CNTNAP2: variants seen among roughly 807,000 people sequenced by gnomAD.
CNTNAP2 encodes the protein contactin associated protein 2.
CNTNAP2 carries 98 observed loss-of-function variants against 155.2 expected under a neutral mutation model. The observed-to-expected ratio is 0.63, with a 90% CI of 0.54 to 0.75. The LOEUF (loss-of-function observed/expected upper bound fraction) is 0.75. CNTNAP2 is among the 30% of genes least tolerant of loss of function. The pLI is 0.00. For missense variants in CNTNAP2, 1,727 were observed against 1,688.1 expected, an observed-to-expected ratio of 1.02 and a Z score of -0.40; for synonymous variants, 651 against 631.2, an observed-to-expected ratio of 1.03 and a Z score of -0.47.
chr7:147,964,406 A>G (rs1006371414), intron 14 of CNTNAP2, among the ~76,000 whole-genome samples: 4 of 152,208 alleles, frequency 2.6e-5, no homozygotes, highest in African/African-American at 9.6e-5. Context: ...AGGAAATAAA[A>G]TGACTCAATC....
intron 3 of CNTNAP2, among the ~76,000 whole-genome samples, chr7:146,971,210 A>T (rs1464475309): frequency 6.6e-6 from 1 of 151,582 alleles, no homozygotes; most frequent in Non-Finnish European, 1.5e-5. Context: ...AGTATAATTA[A>T]AAAAAAAGTT....
chr7:147,447,659 A>T (rs967176781), intron 10 of CNTNAP2, among the ~76,000 whole-genome samples: 2 of 152,148 alleles, frequency 1.3e-5, no homozygotes, highest in Admixed American at 1.3e-4. Flanking sequence ...ACCTCACGTG[A>T]TCTGCCTGCC....
intron 20 of CNTNAP2, among the ~76,000 whole-genome samples, chr7:148,232,883 C>A (rs1563004864): frequency 6.6e-6 from 1 of 152,198 alleles, no homozygotes. Context: ...CCCTGTGAAA[C>A]AGCACTGAGC....
rs1323109339 is a variant in CNTNAP2, at chr7:148,409,396, G to A, written c.3721G>A (p.Ala1241Thr). 2 of 1,600,070 alleles carry A rather than the reference G, an allele frequency of 1.2e-6. No homozygotes were observed. Among genetic ancestry groups the A allele is most frequent in the Non-Finnish European group, 1.7e-6 (2 of 1,173,592 alleles). The stretch of plus-strand genomic sequence containing the variant: ...GACTCTTTCTTTCTCTACAGCCAGT[G>A]CGGATTTTCCATATAATCCAGGACA... ...WHLDHLDSAS[A>T]DFPYNPGQGQ... Residue 1241 changes from alanine (A) to threonine (T), a missense_variant, in exon 23 of 24, where the codon GCG becomes ACG. By Grantham distance (58) the Ala-to-Thr change is moderately conservative. Transcript: ENST00000361727.
At chr7:147,934,953 T>C (rs1176270894) in intron 14 of CNTNAP2, among the ~76,000 whole-genome samples, 1 of 152,212 alleles carries the variant, frequency 6.6e-6, no homozygotes, top group Admixed American at 6.5e-5. Context: ...ACGTTTAAAT[T>C]TATAAGATGA....
intron 2 of CNTNAP2, among the ~76,000 whole-genome samples, chr7:146,814,557 T>C (rs1188073201): frequency 6.6e-6 from 1 of 152,198 alleles, no homozygotes; most frequent in East Asian, 1.9e-4. Flanking sequence ...CATATTAGTT[T>C]AGCATTTGGA....
intron 20 of CNTNAP2, chr7:148,263,322 G>A (rs1377078697): frequency 6.6e-6 from 1 of 152,078 alleles, no homozygotes; most frequent in Non-Finnish European, 1.5e-5. Context: ...ATGAGTTAAG[G>A]CTAGGAGTGT....
chr7:146,422,359 G>GTATATATATATATA (rs971506491), intron 1 of CNTNAP2, among the ~76,000 whole-genome samples: 3,093 of 148,056 alleles, frequency 0.021, 120 homozygotes, highest in African/African-American at 0.073. Flanking sequence ...GTATATATAT[G>GTATATATATATATA]TATATATATA....
intron 11 of CNTNAP2, among the ~76,000 whole-genome samples, chr7:147,519,927 T>G (rs1799203547): frequency 6.6e-6 from 1 of 152,194 alleles, no homozygotes; most frequent in Admixed American, 6.5e-5. Context: ...AAGCAGAAAT[T>G]AGAAAGCATT....
chr7:146,650,363 C>T (rs1799888035), intron 1 of CNTNAP2, among the ~76,000 whole-genome samples: 1 of 152,066 alleles, frequency 6.6e-6, no homozygotes, highest in South Asian at 2.1e-4. Flanking sequence ...ACTATACAGC[C>T]ATAAAAAATA....
intron 22 of CNTNAP2, among the ~76,000 whole-genome samples, chr7:148,385,661 C>T (rs1371386787): frequency 6.6e-6 from 1 of 150,404 alleles, no homozygotes; most frequent in Non-Finnish European, 1.5e-5. Context: ...TTGTTAAGAT[C>T]TGTGAGATAT....
At chr7:147,174,100 C>G (rs906903607) in intron 8 of CNTNAP2, among the ~76,000 whole-genome samples, 2 of 152,102 alleles carry the variant, frequency 1.3e-5, no homozygotes, top group Non-Finnish European at 2.9e-5. Flanking sequence ...AACCAGCAAA[C>G]CACAGTCCAT....
intron 13 of CNTNAP2, among the ~76,000 whole-genome samples, chr7:147,675,515 C>T (rs925068187): frequency 2.0e-5 from 3 of 152,060 alleles, no homozygotes; most frequent in Non-Finnish European, 4.4e-5. Flanking sequence ...AGGGCAGGTA[C>T]TCAGAAAGAA....
At chr7:147,626,116 T>C (rs10276658) in intron 12 of CNTNAP2, among the ~76,000 whole-genome samples, 30,378 of 151,922 alleles carry the variant, frequency 0.2, 3,229 homozygotes, top group Middle Eastern at 0.25. Flanking sequence ...AAGGAAACTC[T>C]GAACTGAAAT....
At chr7:146,129,948 A>G (rs922407118) in intron 1 of CNTNAP2, among the ~76,000 whole-genome samples, 1 of 152,226 alleles carries the variant, frequency 6.6e-6, no homozygotes, top group Middle Eastern at 3.2e-3. Context: ...CTAAAGAAAA[A>G]GCCAAGCAAA....
At chr7:148,387,671 TA>T (rs1054961900) in intron 22 of CNTNAP2, among the ~76,000 whole-genome samples, 2 of 152,184 alleles carry the variant, frequency 1.3e-5, no homozygotes, top group African/African-American at 4.8e-5. Context: ...CACTGCAATT[TA>T]AAAGCTCTAA....
At chr7:147,114,488 G>T (rs1800945242) in intron 5 of CNTNAP2, among the ~76,000 whole-genome samples, 3 of 152,132 alleles carry the variant, frequency 2.0e-5, no homozygotes, top group Admixed American at 6.6e-5. Context: ...ATGAATCTGG[G>T]TGCTCCTGTA....
At chr7:146,908,881 A>T (rs1191089084) in intron 3 of CNTNAP2, among the ~76,000 whole-genome samples, 1 of 148,012 alleles carries the variant, frequency 6.8e-6, no homozygotes, top group Non-Finnish European at 1.5e-5. Flanking sequence ...TTTTGAAAGG[A>T]TCAACAAAAT....
chr7:147,246,520 C>T (rs1391009711), intron 8 of CNTNAP2, among the ~76,000 whole-genome samples: 4 of 152,096 alleles, frequency 2.6e-5, no homozygotes, highest in Admixed American at 6.6e-5. Flanking sequence ...TTTGCTGTGT[C>T]CTCATACGAT....
Sources: gnomAD v4.1 joint callset for allele counts (sites outside exome capture counted in the v4.1 genomes callset) on GRCh38, gnomAD v4.1.1 for gene constraint, MANE v1.5 for transcripts, NCBI Gene and HGNC (gene_info 2026-07-23, HGNC 2026-07-21) for gene names.